The following GRIK4 variants were observed in gnomAD, a reference collection of about 807,000 sequenced individuals.
GRIK4 encodes the protein glutamate receptor ionotropic, kainate 4.
Under a neutral mutation model 104.9 loss-of-function variants are expected in GRIK4, and 40 were observed. That is an observed-to-expected ratio of 0.38 (90% confidence interval 0.30 to 0.50). The LOEUF is 0.50. Ranked by LOEUF, GRIK4 falls within the 20% of genes least tolerant of loss-of-function variation. GRIK4 has a pLI of 0.93. For missense variants in GRIK4, 1,047 were observed against 1,308.1 expected, an observed-to-expected ratio of 0.80 and a Z score of 3.08; for synonymous variants, 485 against 524.9, an observed-to-expected ratio of 0.92 and a Z score of 1.04.
chr11:120,535,522 T>C (rs1947965641), intron 1 of GRIK4, among the ~76,000 whole-genome samples: 1 of 151,756 alleles, frequency 6.6e-6, no homozygotes, highest in African/African-American at 2.4e-5. Context: ...ACCACACTTG[T>C]GGAACAGCCT....
chr11:120,593,716 A>G (rs1591721440), intron 1 of GRIK4, among the ~76,000 whole-genome samples: 1 of 152,046 alleles, frequency 6.6e-6, no homozygotes, highest in African/African-American at 2.4e-5. Context: ...CCATCTATCT[A>G]TCTACTTGAC....
At chr11:120,520,139 C>T (rs540841980) in intron 1 of GRIK4, among the ~76,000 whole-genome samples, 10 of 152,224 alleles carry the variant, frequency 6.6e-5, no homozygotes, top group Non-Finnish European at 1.2e-4. Context: ...GTGATCCACC[C>T]GCCTCAGCCC....
chr11:120,760,269 C>T (rs1170949110), intron 3 of GRIK4, among the ~76,000 whole-genome samples: 2 of 151,162 alleles, frequency 1.3e-5, no homozygotes, highest in Non-Finnish European at 2.9e-5. Flanking sequence ...AGCTTATTCA[C>T]TTAGCATATT....
intron 20 of GRIK4, among the ~76,000 whole-genome samples, chr11:120,984,796 C>CT (rs1944711560): frequency 8.8e-6 from 1 of 113,144 alleles, no homozygotes; most frequent in Non-Finnish European, 1.8e-5. Flanking sequence ...AACAAACAAA[C>CT]AAAAATGCAG....
intron 1 of GRIK4, among the ~76,000 whole-genome samples, chr11:120,581,582 G>A (rs959468685): frequency 2.6e-5 from 4 of 151,938 alleles, no homozygotes. Context: ...CTTCCCCTCG[G>A]TTCCTAGAGA....
intron 13 of GRIK4, among the ~76,000 whole-genome samples, chr11:120,919,330 G>A (rs557777055): frequency 1.3e-5 from 2 of 152,346 alleles, no homozygotes; most frequent in African/African-American, 4.8e-5. Flanking sequence ...TAGACCATGG[G>A]AAGGAGCTGG....
Position 120,819,107 on chromosome 11 carries a change from A to G in GRIK4, c.346-648A>G, listed in dbSNP as rs1051305508. Among the ~76,000 whole-genome samples, 1 of 152,206 alleles carries G rather than the reference A, an allele frequency of 6.6e-6. No homozygotes were observed. The highest frequency in any genetic ancestry group is 6.5e-5 in the Admixed American group (1 of 15,284). On this transcript the variant is annotated intron_variant, in intron 5 of 20. Transcript: ENST00000527524. The surrounding 1 kb of genome is among the most constrained non-coding windows in gnomAD (Gnocchi z 4.3). ...GCTGACACTGTCCTAATGAAGCCAA[A>G]CCACGTATTTATTTACCTGGCTGTG...
chr11:120,858,727 A>G (rs1187602672), intron 8 of GRIK4, among the ~76,000 whole-genome samples: 1 of 152,218 alleles, frequency 6.6e-6, no homozygotes, highest in African/African-American at 2.4e-5. Flanking sequence ...ATACTGGCAC[A>G]TAAGATGTTC....
rs114107587 is a variant in GRIK4 at position 120,940,164 on chromosome 11, A to G, written c.1477-183A>G. Among the ~76,000 whole-genome samples the G allele has an allele frequency of 8.1e-4, 124 of 152,300 alleles. No individual in the cohort carries two copies. The highest frequency in any genetic ancestry group is 2.9e-3 in the African/African-American group (122 of 41,546). On this transcript the variant is annotated intron_variant, in intron 13 of 20. Transcript: ENST00000527524. The surrounding 1 kb of genome is among the most constrained non-coding windows in gnomAD (Gnocchi z 4.3). ...CAAGTGAACATGAGTTATAGCTTCA[A>G]TATCCATGTACTTTTATGAGTGATC...
At chr11:120,771,101 T>C (rs1591891770) in intron 3 of GRIK4, among the ~76,000 whole-genome samples, 1 of 152,102 alleles carries the variant, frequency 6.6e-6, no homozygotes, top group East Asian at 1.9e-4. Context: ...AGTTTTGAGA[T>C]GCATACTAGA....
At chr11:120,832,056 C>T in intron 7 of GRIK4, 26 bp downstream of exon 7, 1 of 1,546,994 alleles carries the variant, frequency 6.5e-7, no homozygotes. Context: ...TCTCCCCCAC[C>T]CCCTGCTGAG....
intron 1 of GRIK4, among the ~76,000 whole-genome samples, chr11:120,618,192 C>T (rs1346319473): frequency 6.6e-6 from 1 of 152,106 alleles, no homozygotes; most frequent in African/African-American, 2.4e-5. Flanking sequence ...TAGCAAAGAG[C>T]CTGGCTTCCT....
chr11:120,931,301 A>G (rs1943476660), intron 13 of GRIK4, among the ~76,000 whole-genome samples: 2 of 152,104 alleles, frequency 1.3e-5, no homozygotes, highest in Non-Finnish European at 2.9e-5. Flanking sequence ...ATGGCAGGCT[A>G]GGAGGTTTGG....
rs1343175913 is a variant in GRIK4 at position 120,676,648 on chromosome 11, A to T, written c.82+16248A>T. The stretch of plus-strand genomic sequence containing the variant: ...AATAGTCCTGTCGCTTGAGAGCAAG[A>T]ACTCACTCACTGCAGAACAGCACCA... On this transcript the variant is annotated intron_variant, in intron 3 of 20. Transcript: ENST00000527524. Among the ~76,000 whole-genome samples, 3 of 152,288 alleles carry T rather than the reference A, an allele frequency of 2.0e-5. No individual in the cohort carries two copies. The East Asian group carries it at 5.8e-4, about 29-fold the overall frequency.
rs139269850 is a variant in GRIK4 at position 120,919,668 on chromosome 11, G to A, written c.1476+14175G>A. ...TGGATGGCGTGGGAAAGAACTGGAAGCAAAGAGACCAGTGCAGAAGCTACT... is the reference window on the plus strand; with the variant it reads ...TGGATGGCGTGGGAAAGAACTGGAAACAAAGAGACCAGTGCAGAAGCTACT... On this transcript the variant is annotated intron_variant, in intron 13 of 20. Transcript: ENST00000527524. 4.6e-5 allele frequency among the ~76,000 whole-genome samples: 7 copies of A among 152,338 alleles called. No individual in the cohort carries two copies. In the East Asian group the frequency reaches 1.3e-3, roughly 29 times the overall value.
At chr11:120,690,543 G>A (rs1241951361) in intron 3 of GRIK4, among the ~76,000 whole-genome samples, 1 of 152,256 alleles carries the variant, frequency 6.6e-6, no homozygotes, top group African/African-American at 2.4e-5. Flanking sequence ...TGGGCAGCCA[G>A]GCAGCTGGAG....
chr11:120,970,012 T>G (rs1944448548), intron 19 of GRIK4, among the ~76,000 whole-genome samples: 1 of 152,178 alleles, frequency 6.6e-6, no homozygotes, highest in Non-Finnish European at 1.5e-5. Context: ...CAGTATCATT[T>G]GCTTCTGTGG....
rs568920974 is a variant in GRIK4, at chr11:120,816,656, G to A, written c.345+1181G>A. Among the ~76,000 whole-genome samples, 4 of 152,232 alleles carry A rather than the reference G, an allele frequency of 2.6e-5. No individual in the cohort carries two copies. In the East Asian group the frequency reaches 7.7e-4, roughly 29 times the overall value. The stretch of plus-strand genomic sequence containing the variant: ...CTCTGATGCCACCACTGTCTCTTAT[G>A]ATCCAGGGCTCAGTGAGTCCCTGAC... On this transcript the variant is annotated intron_variant, in intron 5 of 20. Coordinates refer to ENST00000527524, the MANE Select transcript of GRIK4 (RefSeq NM_014619.5).
At chr11:120,538,498 T>C (rs1021672415) in intron 1 of GRIK4, among the ~76,000 whole-genome samples, 9 of 152,254 alleles carry the variant, frequency 5.9e-5, no homozygotes, top group Non-Finnish European at 5.9e-5. Context: ...AGATTTCCCT[T>C]TCCTTTCTCC....
Sources: allele counts gnomAD v4.1 joint callset (sites outside exome capture counted in the v4.1 genomes callset), GRCh38; gene constraint gnomAD v4.1.1; non-coding constraint Gnocchi (gnomAD v3.1); transcripts MANE v1.5; gene names NCBI Gene and HGNC (gene_info 2026-07-23, HGNC 2026-07-21).